The following ANKRD62 variants were observed in gnomAD, a reference collection of about 807,000 sequenced individuals.
ANKRD62 encodes ankyrin repeat domain 62.
In ANKRD62, 61 loss-of-function variants were observed where a neutral mutation model predicts 98.8. The ratio of observed to expected loss-of-function variants is 0.62; its 90% CI spans 0.50 to 0.76. The LOEUF (loss-of-function observed/expected upper bound fraction) is 0.76, where lower values mean the gene tolerates loss of function less well. Among genes scored for constraint, ANKRD62 ranks in the 30% least tolerant of loss-of-function variants. The pLI is 0.00. For synonymous variants in ANKRD62, 341 were observed against 367.9 expected (o/e 0.93, Z 0.84); for missense variants, 933 against 1,082.9 (o/e 0.86, Z 1.94).
chr18:12,107,947 G>T (rs369828858), intron 8 of ANKRD62, among the ~76,000 whole-genome samples: 2 of 152,028 alleles, frequency 1.3e-5, no homozygotes, highest in African/African-American at 4.8e-5. Flanking sequence ...ACATATATAT[G>T]CATGTGTAGT....
At chr18:12,107,559 T>A in intron 8 of ANKRD62, 92 bp downstream of exon 8, 1 of 1,034,666 alleles carries the variant, frequency 9.7e-7, no homozygotes. Context: ...TTAACAAATT[T>A]TATACTTTTA....
At chr18:12,102,645 GT>G in intron 6 of ANKRD62, 1 of 858,872 alleles carries the variant, frequency 1.2e-6, no homozygotes, top group South Asian at 4.1e-5. Flanking sequence ...TTACACAGCT[GT>G]TGAAAAATGA....
chr18:12,094,392 TG>T (rs1162106107), intron 1 of ANKRD62, among the ~76,000 whole-genome samples, 157 bp downstream of exon 1: 1 of 72 alleles, frequency 0.014, no homozygotes, highest in Non-Finnish European at 0.029. Context: ...GGGGAGTGGC[TG>T]GGGGGCGTTG....
At chr18:12,113,469 T>C (rs549683224) in intron 8 of ANKRD62, among the ~76,000 whole-genome samples, 1 of 152,186 alleles carries the variant, frequency 6.6e-6, no homozygotes, top group Admixed American at 6.5e-5. Context: ...CTACTAAAAA[T>C]ACAAAAATTA....
At chr18:12,102,235 G>A in intron 6 of ANKRD62, 2 of 783,662 alleles carry the variant, frequency 2.6e-6, no homozygotes, top group South Asian at 2.7e-5. Flanking sequence ...GCAGCTGGAA[G>A]CAGGCCCAGG....
chr18:12,176,449 A>G, the ANKRD62 span, among the ~76,000 whole-genome samples: 3 of 133,420 alleles, frequency 2.2e-5, no homozygotes, highest in African/African-American at 8.5e-5. Flanking sequence ...GAAAAACAAA[A>G]CAGAGCACAC....
At chr18:12,115,187 CAG>C (rs556503352) in intron 9 of ANKRD62, 66 bp downstream of exon 9, 81 of 1,333,790 alleles carry the variant, frequency 6.1e-5, no homozygotes, top group Admixed American at 4.9e-4. Flanking sequence ...TGGTAAAAAA[CAG>C]AAAATCTTTT....
chr18:12,165,815 T>G, the ANKRD62 span, among the ~76,000 whole-genome samples: 1 of 151,880 alleles, frequency 6.6e-6, no homozygotes, highest in Non-Finnish European at 1.5e-5. Context: ...TCCCTTTAGC[T>G]TTTTTTTGTA....
At chr18:12,122,846 A>G (rs773572101) in intron 11 of ANKRD62, among the ~76,000 whole-genome samples, 4 of 152,074 alleles carry the variant, frequency 2.6e-5, no homozygotes, top group Admixed American at 6.6e-5. Flanking sequence ...AGTTTTCTAC[A>G]TTTCTATTTC....
At chr18:12,107,613 A>G (rs1250610796) in intron 8 of ANKRD62, 146 bp downstream of exon 8, 4 of 570,292 alleles carry the variant, frequency 7.0e-6, no homozygotes, top group Non-Finnish European at 1.1e-5. Flanking sequence ...AATGCAAATT[A>G]ACAAGCAATG....
chr18:12,141,255 C>G, the ANKRD62 span, among the ~76,000 whole-genome samples: 2 of 152,206 alleles, frequency 1.3e-5, no homozygotes, highest in Non-Finnish European at 2.9e-5. Flanking sequence ...TGTCTGTCAC[C>G]CCTTTCTTTG....
the ANKRD62 span, among the ~76,000 whole-genome samples, chr18:12,181,637 T>G: frequency 6.6e-6 from 1 of 152,118 alleles, no homozygotes; most frequent in Non-Finnish European, 1.5e-5. Context: ...TTTGTTTCTC[T>G]GGGGGAGAAG....
At position 12,122,340 on chromosome 18, in the gene ANKRD62, T is replaced by A; in HGVS notation, c.1278T>A (p.Ala426=). 6.5e-7 allele frequency: 1 copy of A among 1,535,368 alleles called. No individual in the cohort carries two copies. Among genetic ancestry groups the A allele is most frequent in the Non-Finnish European group, 8.7e-7 (1 of 1,146,670 alleles). Residue 426 remains alanine (A), a synonymous_variant, in exon 11 of 14, where the codon GCT becomes GCA. Coordinates refer to ENST00000587848, the MANE Select transcript of ANKRD62 (RefSeq NM_001277333.2). ...VSLSKSKNAT[A]ACGRSIEDQK... Reference sequence around the variant, plus strand: ...TATCGAAAAGCAAGAATGCAACAGCTGCATGTGGAAGATCAATAGAGGATC... The same window carrying A: ...TATCGAAAAGCAAGAATGCAACAGCAGCATGTGGAAGATCAATAGAGGATC...
Position 12,124,276 on chromosome 18 carries a change from T to C in ANKRD62, c.1594T>C (p.Ser532Pro). Residue 532 changes from serine to proline, a missense_variant, in exon 12 of 14, where the codon TCA (serine) becomes CCA (proline). Physicochemically the swap from Ser to Pro is moderately conservative, Grantham distance 74. Transcript: ENST00000587848. ...VKKQSKLTLK[S>P]LEVELKTVRS... The stretch of plus-strand genomic sequence containing the variant: ...AAAACAATCTAAACTGACTCTCAAA[T>C]CATTGGAAGTGGAATTGAAGACTGT... 7.6e-7 allele frequency: 1 copy of C among 1,318,618 alleles called. No homozygotes were observed. The highest frequency in any genetic ancestry group is 1.0e-6 in the Non-Finnish European group (1 of 972,570). The allele number at this position is 1,318,618 out of a possible 1,614,324, so 81.7% of individuals were successfully genotyped here.
At chr18:12,145,127 G>A in the ANKRD62 span, among the ~76,000 whole-genome samples, 120 of 96,180 alleles carry the variant, frequency 1.2e-3, 1 homozygote, top group African/African-American at 3.3e-3. Flanking sequence ...CAGCTGTGTC[G>A]TGCTGTGCTG....
At chr18:12,094,662 C>T in intron 1 of ANKRD62, among the ~76,000 whole-genome samples, 1 of 18,098 alleles carries the variant, frequency 5.5e-5, no homozygotes, top group Non-Finnish European at 9.2e-5. Context: ...GGGTGGGGGA[C>T]TGTGGTGGGG....
chr18:12,135,199 C>A, the ANKRD62 span, among the ~76,000 whole-genome samples: 17 of 116,980 alleles, frequency 1.5e-4, no homozygotes, highest in East Asian at 3.1e-4. Flanking sequence ...CCCCTCCCCC[C>A]ACCCCACAAC....
At chr18:12,149,846 CA>C in the ANKRD62 span, among the ~76,000 whole-genome samples, 1 of 145,334 alleles carries the variant, frequency 6.9e-6, no homozygotes, top group Non-Finnish European at 1.5e-5. Flanking sequence ...GAGAAAGAAC[CA>C]ACGCGAGAAC....
At position 12,094,035 on chromosome 18, in the gene ANKRD62, G is replaced by C; in HGVS notation, c.18G>C (p.Ser6=). The change falls in exon 1 of 14, where the codon TCG becomes TCC. Residue 6 remains serine, a synonymous_variant. Transcript: ENST00000587848. MEVRG[S]FLAACRRRMA... ...GCTTCAGGATGGAGGTCAGGGGGTCGTTCCTGGCGGCCTGCAGGAGACGCA... is the reference window on the plus strand; with the variant it reads ...GCTTCAGGATGGAGGTCAGGGGGTCCTTCCTGGCGGCCTGCAGGAGACGCA... 1 of 1,535,114 alleles carries C rather than the reference G, an allele frequency of 6.5e-7. No individual in the cohort carries two copies. Among genetic ancestry groups the C allele is most frequent in the Non-Finnish European group, 8.7e-7 (1 of 1,146,768 alleles).
Sources: gnomAD v4.1 joint callset for allele counts (sites outside exome capture counted in the v4.1 genomes callset) on GRCh38, gnomAD v4.1.1 for gene constraint, MANE v1.5 for transcripts, NCBI Gene and HGNC (gene_info 2026-07-23, HGNC 2026-07-21) for gene names.